APOO: variants seen among roughly 807,000 people sequenced by gnomAD.
The protein encoded by APOO is apolipoprotein O, also known as MICOS complex subunit MIC26.
APOO carries 11 observed loss-of-function variants against 23.1 expected under a neutral mutation model. That is an observed-to-expected ratio of 0.48 (90% confidence interval 0.30 to 0.79). The LOEUF is 0.79. APOO is among the 30% of genes least tolerant of loss of function. The pLI is 0.07. For missense variants in APOO, 160 were observed against 142.7 expected (o/e 1.12, Z -0.62); for synonymous variants, 59 against 54.8 (o/e 1.08, Z -0.34).
In APOO at chrX:23,880,886, T is replaced by C; in HGVS notation, c.76A>G (p.Lys26Glu). ...GAATTTTTGGGAGGTGAGTCCTTTT[T>C]TGGTGCTGCATAGACTTTGAAGGTG... ...LLTFKVYAAP[K>E]KDSPPKNSVK... The change falls in exon 2 of 9, where the codon AAA becomes GAA. Residue 26 changes from lysine (K) to glutamate (E), a missense_variant. Physicochemically the swap from Lys to Glu is moderately conservative, Grantham distance 56 (BLOSUM62 1). Transcript: ENST00000379226. 2.5e-6 allele frequency: 3 copies of C among 1,188,946 alleles called. No individual in the cohort carries two copies. Among genetic ancestry groups the C allele is most frequent in the Non-Finnish European group, 3.4e-6 (3 of 885,855 alleles).
At chrX:23,875,111 G>A (rs1232408294) in intron 3 of APOO, among the ~76,000 whole-genome samples, 6 of 109,820 alleles carry the variant, frequency 5.5e-5, no homozygotes, top group African/African-American at 2.0e-4. Context: ...TTAGCCGGGC[G>A]TGGTGGCACG....
intron 3 of APOO, among the ~76,000 whole-genome samples, chrX:23,875,621 T>C (rs1925813459): frequency 9.3e-6 from 1 of 107,565 alleles, no homozygotes; most frequent in South Asian, 4.2e-4. Flanking sequence ...GGTTTCGCTA[T>C]GTTGGCCAGG....
intron 4 of APOO, among the ~76,000 whole-genome samples, chrX:23,871,740 C>T (rs149118229): frequency 0.015 from 1,692 of 112,001 alleles, 28 homozygotes; most frequent in African/African-American, 0.051. Context: ...ATATATTACA[C>T]GCATCTCAGT....
intron 3 of APOO, among the ~76,000 whole-genome samples, chrX:23,878,426 A>G (rs1925956737): frequency 8.9e-6 from 1 of 111,833 alleles, no homozygotes; most frequent in Non-Finnish European, 1.9e-5. Context: ...CTCAGATGGC[A>G]CTGAAGAACA....
intron 8 of APOO, chrX:23,836,630 T>TC: frequency 2.7e-6 from 2 of 743,017 alleles, no homozygotes; most frequent in Non-Finnish European, 1.9e-6. Flanking sequence ...AATTTCTTTT[T>TC]TTTTTTTTTT....
rs763289784 is a variant in APOO at position 23,878,896 on chromosome X, A to G, written c.237+19T>C. 3.1e-5 allele frequency: 37 copies of G among 1,202,942 alleles called. No individual in the cohort carries two copies. The highest frequency in any genetic ancestry group is 4.2e-5 in the Non-Finnish European group (37 of 891,006). On this transcript the variant is annotated intron_variant, in intron 3 of 8. Coordinates refer to ENST00000379226, the MANE Select transcript of APOO (RefSeq NM_024122.5). ...CTCTAAACAGAAATGCGTTCACTCC[A>G]TTTTCAGAACAGTTGTACCTGACAC...
intron 4 of APOO, among the ~76,000 whole-genome samples, chrX:23,871,656 TTAAAC>T (rs1925628516): frequency 9.0e-6 from 1 of 111,600 alleles, no homozygotes; most frequent in African/African-American, 3.3e-5. Flanking sequence ...TCGATTTCAA[TTAAAC>T]TAATCTCCTT....
Position 23,907,720 on chromosome X carries a change from C to T in APOO, c.-18G>A, listed in dbSNP as rs1234247244. Reference sequence around the variant, plus strand: ...TTGAACATGTCGCTGGCAGCGGAGGCTCCGGCAGGGTCACCCCGGCCTCGG... The same window carrying T: ...TTGAACATGTCGCTGGCAGCGGAGGTTCCGGCAGGGTCACCCCGGCCTCGG... On this transcript the variant is annotated 5_prime_UTR_variant, in exon 1 of 9. Coordinates refer to ENST00000379226, the MANE Select transcript of APOO (RefSeq NM_024122.5). The T allele has an allele frequency of 4.3e-6, 5 of 1,159,444 alleles. No individual in the cohort carries two copies. In the Admixed American group the frequency reaches 7.9e-5, roughly 18 times the overall value.
rs145969741 is a variant in APOO, at chrX:23,880,927, G to C, written c.35C>G (p.Ala12Gly). The C allele has an allele frequency of 5.9e-6, 7 of 1,184,263 alleles. No homozygotes were observed. The highest frequency in any genetic ancestry group is 7.9e-6 in the Non-Finnish European group (7 of 884,137). The change falls in exon 2 of 9, where the codon GCC (alanine) becomes GGC (glycine). Residue 12 changes from alanine to glycine, a missense_variant. Ala to Gly is a moderately conservative substitution (Grantham distance 60). Transcript: ENST00000379226. ...FKVIQRSVGP[A>G]SLSLLTFKVY... ...TTTGAAGGTGAGCAAGCTCAGGCTGGCTGGCCCCACGGACCTCTGAATTAC... is the reference window on the plus strand; with the variant it reads ...TTTGAAGGTGAGCAAGCTCAGGCTGCCTGGCCCCACGGACCTCTGAATTAC...
At chrX:23,841,376 C>T (rs1337881337) in intron 7 of APOO, among the ~76,000 whole-genome samples, 1 of 108,042 alleles carries the variant, frequency 9.3e-6, no homozygotes, top group Admixed American at 1.0e-4. Flanking sequence ...CCTGGTTTGC[C>T]GGGCATGTTG....
At chrX:23,837,398 G>A (rs1359735270) in intron 8 of APOO, 1 of 638,096 alleles carries the variant, frequency 1.6e-6, no homozygotes, top group African/African-American at 2.2e-5. Flanking sequence ...CCTTCAGTAA[G>A]TTTTCTGTGC....
At chrX:23,905,636 G>A (rs777976512) in intron 1 of APOO, among the ~76,000 whole-genome samples, 6 of 111,363 alleles carry the variant, frequency 5.4e-5, no homozygotes, top group Non-Finnish European at 1.1e-4. Context: ...CTCTTTGGCC[G>A]TCAGTGAGTC....
chrX:23,863,207 G>A (rs761480700), intron 5 of APOO, among the ~76,000 whole-genome samples: 7 of 111,816 alleles, frequency 6.3e-5, no homozygotes, highest in East Asian at 2.8e-4. Flanking sequence ...GGTGGTGCAC[G>A]CCTGTAATCC....
At chrX:23,864,305 T>C (rs1925239966) in intron 5 of APOO, among the ~76,000 whole-genome samples, 1 of 107,129 alleles carries the variant, frequency 9.3e-6, no homozygotes, top group Non-Finnish European at 1.9e-5. Context: ...GATTTGTTTG[T>C]TTGTTTGTTT....
intron 1 of APOO, among the ~76,000 whole-genome samples, chrX:23,889,754 C>A (rs1184702130): frequency 4.7e-5 from 5 of 105,416 alleles, no homozygotes; most frequent in African/African-American, 1.7e-4. Context: ...GCTCCGCCTC[C>A]TGGGTTCATG....
chrX:23,896,881 A>C (rs1926926031), intron 1 of APOO, among the ~76,000 whole-genome samples: 2 of 108,093 alleles, frequency 1.9e-5, no homozygotes, highest in Admixed American at 2.0e-4. Context: ...GTCTCAAGCA[A>C]TCCTCCTGCC....
chrX:23,907,499 C>T (rs962452584), intron 1 of APOO, among the ~76,000 whole-genome samples, 195 bp downstream of exon 1: 2 of 112,703 alleles, frequency 1.8e-5, no homozygotes, highest in Non-Finnish European at 3.8e-5. Flanking sequence ...GGGGGTCTCC[C>T]GCCTCCGCCC....
chrX:23,889,852 G>A (rs921145026), intron 1 of APOO, among the ~76,000 whole-genome samples: 24 of 109,192 alleles, frequency 2.2e-4, no homozygotes, highest in African/African-American at 3.3e-4. Flanking sequence ...TAGTAGAGAC[G>A]GGGTTTCACT....
chrX:23,841,849 A>G (rs1923998646), intron 7 of APOO, among the ~76,000 whole-genome samples: 1 of 110,905 alleles, frequency 9.0e-6, no homozygotes, highest in African/African-American at 3.3e-5. Flanking sequence ...AATATACCCC[A>G]CTGACCGAGA....
Sources: gnomAD v4.1 joint callset for allele counts (sites outside exome capture counted in the v4.1 genomes callset) on GRCh38, gnomAD v4.1.1 for gene constraint, MANE v1.5 for transcripts, NCBI Gene and HGNC (gene_info 2026-07-23, HGNC 2026-07-21) for gene names.